NOTCH1: variants seen among roughly 807,000 people sequenced by gnomAD.
The protein encoded by NOTCH1 is notch receptor 1.
In NOTCH1, 37 loss-of-function variants were observed where a neutral mutation model predicts 254.8. That is an observed-to-expected ratio of 0.15 (90% CI 0.11 to 0.19). The LOEUF is 0.19. NOTCH1 is among the 10% of genes least tolerant of loss of function. NOTCH1 has a pLI of 1.00. For missense variants in NOTCH1, 2,972 were observed against 3,708.6 expected (o/e 0.80, Z 5.16); for synonymous variants, 1,731 against 1,618.1 (o/e 1.07, Z -1.68).
rs200956958 is a variant in NOTCH1 at position 136,499,094 on chromosome 9, G to A, written c.6082+18C>T. On this transcript the variant is annotated intron_variant, in intron 32 of 33. Coordinates refer to ENST00000651671, the MANE Select transcript of NOTCH1 (RefSeq NM_017617.5). ...GGTCCCGCCCCACGACAGAGCAGCCGTGCCCCCGTGGGCTCACCCAGGTCA... is the reference window on the plus strand; with the variant it reads ...GGTCCCGCCCCACGACAGAGCAGCCATGCCCCCGTGGGCTCACCCAGGTCA... 99 of 1,612,862 alleles carry A rather than the reference G, an allele frequency of 6.1e-5. 1 individual carries two copies. The East Asian group carries it at 8.9e-4, about 15-fold the overall frequency.
chr9:136,507,368 T>A lies in NOTCH1; in HGVS notation c.3580A>T (p.Asn1194Tyr). The A allele has an allele frequency of 6.2e-7, 1 of 1,612,796 alleles. No homozygotes were observed. Among genetic ancestry groups the A allele is most frequent in the Non-Finnish European group, 8.5e-7 (1 of 1,179,880 alleles). ...GGGAGGTCGAGGCAGGTGCCCCCGTTCTGGCAGGGGTGGGAGAGGCACTCG... is the reference window on the plus strand; with the variant it reads ...GGGAGGTCGAGGCAGGTGCCCCCGTACTGGCAGGGGTGGGAGAGGCACTCG... ...IDECLSHPCQ[N>Y]GGTCLDLPNT... Residue 1194 changes from asparagine (N) to tyrosine (Y), a missense_variant, in exon 22 of 34, where the codon AAC becomes TAC. By Grantham distance (143) the Asn-to-Tyr change is moderately radical (BLOSUM62 -2). Coordinates refer to ENST00000651671, the MANE Select transcript of NOTCH1 (RefSeq NM_017617.5).
At chr9:136,542,544 CAAAAAAA>C (rs1174860714) in intron 2 of NOTCH1, among the ~76,000 whole-genome samples, 18 of 52,510 alleles carry the variant, frequency 3.4e-4, no homozygotes, top group African/African-American at 1.1e-3. Context: ...CCCCAAAAAG[CAAAAAAA>C]AAAAAAAAAA....
chr9:136,509,432 C>A (rs1843142311), intron 18 of NOTCH1, among the ~76,000 whole-genome samples: 1 of 152,200 alleles, frequency 6.6e-6, no homozygotes, highest in African/African-American at 2.4e-5. Flanking sequence ...AATGAGCTTC[C>A]TGGCAAACAC....
rs2133361091 is a variant in NOTCH1, at chr9:136,514,648, C to T, written c.2069G>A (p.Gly690Glu). The change falls in exon 13 of 34, where the codon GGG becomes GAG. Residue 690 changes from glycine (G) to glutamate (E), a missense_variant. Coordinates refer to ENST00000651671, the MANE Select transcript of NOTCH1 (RefSeq NM_017617.5). ...DECAGNPCHN[G>E]GTCEDGINGF... ...ATTGATGCCGTCCTCGCAGGTGCCCCCGTTGTGGCAGGGGTTGCCCGCACA... is the reference window on the plus strand; with the variant it reads ...ATTGATGCCGTCCTCGCAGGTGCCCTCGTTGTGGCAGGGGTTGCCCGCACA... 3 of 1,612,614 alleles carry T rather than the reference C, an allele frequency of 1.9e-6. No homozygotes were observed. The highest frequency in any genetic ancestry group is 2.5e-6 in the Non-Finnish European group (3 of 1,179,894).
chr9:136,495,190 T>C lies in NOTCH1; in HGVS notation c.*881A>G. The C allele has an allele frequency of 2.5e-6, 1 of 399,080 alleles. No homozygotes were observed. The highest frequency in any genetic ancestry group is 4.4e-6 in the Non-Finnish European group (1 of 226,098). 24.7% of individuals were successfully genotyped at this position (399,080 alleles called of 1,614,324 possible). A position where few individuals can be genotyped will look rare whatever the true frequency, so the allele number is the denominator to read the frequency against. On this transcript the variant is annotated 3_prime_UTR_variant, in exon 34 of 34. Transcript: ENST00000651671. ...TTTCCCCAGAAAAGGGTAGGATGCC[T>C]CCGTGTGTGACCCAGGCAAGTGCCA...
intron 2 of NOTCH1, among the ~76,000 whole-genome samples, chr9:136,529,710 G>A (rs1339947286): frequency 6.6e-6 from 1 of 152,260 alleles, no homozygotes; most frequent in Non-Finnish European, 1.5e-5. Context: ...CGGTGGCTAG[G>A]AGGCCCTGAA....
Position 136,496,859 on chromosome 9 carries a change from G to C in NOTCH1, c.6880C>G (p.Leu2294Val). 1 of 1,612,950 alleles carries C rather than the reference G, an allele frequency of 6.2e-7. No individual in the cohort carries two copies. Among genetic ancestry groups the C allele is most frequent in the East Asian group, 2.2e-5 (1 of 44,888 alleles). The change falls in exon 34 of 34, where the codon CTG becomes GTG. Residue 2294 changes from leucine to valine, a missense_variant. By Grantham distance (32) the Leu-to-Val change is conservative. Transcript: ENST00000651671. The part of the protein sequence containing the change: ...TVLGSSSGGA[L>V]NFTVGGSTSL... ...GTGGACCCGCCCACAGTGAAATTCAGGGCCCCTCCGCTGCTGGAGCCCAGG... is the reference window on the plus strand; with the variant it reads ...GTGGACCCGCCCACAGTGAAATTCACGGCCCCTCCGCTGCTGGAGCCCAGG...
chr9:136,526,663 C>G (rs1165030834), intron 2 of NOTCH1, among the ~76,000 whole-genome samples: 1 of 152,222 alleles, frequency 6.6e-6, no homozygotes. Flanking sequence ...GACACTCTGC[C>G]CGGACACCGG....
At chr9:136,526,234 A>C (rs887084524) in intron 2 of NOTCH1, among the ~76,000 whole-genome samples, 8 of 152,248 alleles carry the variant, frequency 5.3e-5, no homozygotes, top group African/African-American at 1.7e-4. Flanking sequence ...TGGAGTGCAC[A>C]GGCTGGGCTG....
intron 9 of NOTCH1, 105 bp from the exon 10 acceptor site, chr9:136,516,199 G>A: frequency 1.2e-6 from 1 of 824,252 alleles, no homozygotes; most frequent in Non-Finnish European, 2.0e-6. Context: ...GGGCTCCCCA[G>A]GGCACACTCA....
intron 7 of NOTCH1, 71 bp from the exon 8 acceptor site, chr9:136,518,008 C>T (rs2133369379): frequency 6.3e-7 from 1 of 1,582,660 alleles, no homozygotes; most frequent in East Asian, 2.3e-5. Context: ...TGCACACCAC[C>T]CCCATCGGAC....
chr9:136,495,900 TA>T lies in NOTCH1; in HGVS notation c.*170del, dbSNP rs1199844790. On this transcript the variant is annotated 3_prime_UTR_variant, in exon 34 of 34. Transcript: ENST00000651671. ...TAAATAAAAAGGCAGTGTTTCTGTGTAAAATAAAAGTACATAAATAAATACT... is the reference window on the plus strand; with the variant it reads ...TAAATAAAAAGGCAGTGTTTCTGTGTAAATAAAAGTACATAAATAAATACT... 10 of 711,316 alleles carry T rather than the reference TA, an allele frequency of 1.4e-5. No homozygotes were observed. The highest frequency in any genetic ancestry group is 3.1e-5 in the Admixed American group (1 of 32,536). The allele number at this position is 711,316 out of a possible 1,614,324, so 44.1% of individuals were successfully genotyped here. A position where few individuals can be genotyped will look rare whatever the true frequency, so the allele number is the denominator to read the frequency against.
chr9:136,544,337 G>A (rs1213634264), intron 1 of NOTCH1, among the ~76,000 whole-genome samples: 1 of 152,242 alleles, frequency 6.6e-6, no homozygotes, highest in Non-Finnish European at 1.5e-5. Context: ...GAAATGGGGG[G>A]AAGGGGAGCA....
chr9:136,505,985 C>T lies in NOTCH1; in HGVS notation c.4015-104G>A, dbSNP rs1405443322. The T allele has an allele frequency of 4.2e-5, 44 of 1,038,966 alleles. 1 individual carries two copies. In the South Asian group the frequency reaches 6.7e-4, roughly 16 times the overall value. The allele number at this position is 1,038,966 out of a possible 1,614,324, so 64.4% of individuals were successfully genotyped here. A position where few individuals can be genotyped will look rare whatever the true frequency, so the allele number is the denominator to read the frequency against. On this transcript the variant is annotated intron_variant, in intron 24 of 33. Transcript: ENST00000651671. The stretch of plus-strand genomic sequence containing the variant: ...CAGCAGTGCCACCGCTCTCCTCTAA[C>T]CTGGGAGGCGGCCTGCAACCTTGCC...
intron 2 of NOTCH1, among the ~76,000 whole-genome samples, chr9:136,535,514 G>C (rs1843634377): frequency 2.7e-5 from 2 of 74,596 alleles, no homozygotes; most frequent in Admixed American, 1.2e-4. Flanking sequence ...GGGTGGGAGT[G>C]GGTGGAGGGG....
At chr9:136,517,224 G>C (rs1381387948) in intron 9 of NOTCH1, 48 bp downstream of exon 9, 11 of 1,239,822 alleles carry the variant, frequency 8.9e-6, no homozygotes, top group Non-Finnish European at 1.3e-5. Context: ...CCCCTCAGGA[G>C]GCCAGGGTGC....
In NOTCH1 at chr9:136,501,887, G is replaced by A. The variant is rs754075361; in HGVS notation, c.5499C>T (p.Asp1833=). ...GCCGGTGGTCTGTCTGGTCGTCCAG[G>A]TCAGGCAGAACCACGGGCTCCTCGA... ...FRFEEPVVLP[D]LDDQTDHRQW... The change falls in exon 30 of 34, where the codon GAC becomes GAT. Residue 1833 remains aspartate, a synonymous_variant. Coordinates refer to ENST00000651671, the MANE Select transcript of NOTCH1 (RefSeq NM_017617.5). 7.4e-6 allele frequency: 12 copies of A among 1,612,078 alleles called. No individual in the cohort carries two copies. Among genetic ancestry groups the A allele is most frequent in the South Asian group, 1.1e-5 (1 of 91,086 alleles).
chr9:136,529,991 C>T (rs1843532265), intron 2 of NOTCH1, among the ~76,000 whole-genome samples: 1 of 146,038 alleles, frequency 6.8e-6, no homozygotes, highest in African/African-American at 2.5e-5. Context: ...GAAAGCTGCA[C>T]GGGGGCCCTG....
chr9:136,503,532 G>A (rs1222737923), intron 26 of NOTCH1, among the ~76,000 whole-genome samples: 1 of 152,192 alleles, frequency 6.6e-6, no homozygotes, highest in African/African-American at 2.4e-5. Flanking sequence ...GGCCAGTGCT[G>A]ATCACGGCTC....
Sources: gnomAD v4.1 joint callset for allele counts (sites outside exome capture counted in the v4.1 genomes callset) on GRCh38, gnomAD v4.1.1 for gene constraint, MANE v1.5 for transcripts, NCBI Gene and HGNC (gene_info 2026-07-23, HGNC 2026-07-21) for gene names.